Variants in AVIL observed in about 807,000 individuals in gnomAD.
AVIL encodes advillin.
In AVIL, 78 loss-of-function variants were observed where a neutral mutation model predicts 109.9. The ratio of observed to expected loss-of-function variants is 0.71; its 90% CI spans 0.59 to 0.86. AVIL has a LOEUF of 0.86. Among genes scored for constraint, AVIL ranks in the 40% least tolerant of loss-of-function variants. The pLI is 0.00. For missense variants in AVIL, 892 were observed against 1,016.5 expected (o/e 0.88, Z 1.67); for synonymous variants, 367 against 379.1 (o/e 0.97, Z 0.37).
chr12:57,815,793 A>G (rs1490318300), intron 2 of AVIL, 182 bp downstream of exon 2: 5 of 1,478,806 alleles, frequency 3.4e-6, no homozygotes, highest in Admixed American at 2.2e-5. Context: ...CCACCTGCCA[A>G]CCACCTGCTT....
Position 57,797,393 on chromosome 12 carries a change from T to C in AVIL, c.*489A>G. 2.0e-6 allele frequency: 2 copies of C among 985,454 alleles called. No individual in the cohort carries two copies. Among genetic ancestry groups the C allele is most frequent in the African/African-American group, 3.5e-5 (2 of 57,366 alleles). The allele number at this position is 985,454 out of a possible 1,614,324, so 61.0% of individuals were successfully genotyped here. On this transcript the variant is annotated 3_prime_UTR_variant, in exon 20 of 20. Transcript: ENST00000549994. ...TAACTCCATTTGTTCATTATAGGTA[T>C]CTTTATTTGAAAAGTGAAAAATGCT... is the stretch of plus-strand genomic sequence containing the variant.
intron 17 of AVIL, among the ~76,000 whole-genome samples, chr12:57,801,857 A>C (rs1472811862): frequency 6.6e-6 from 1 of 152,250 alleles, no homozygotes; most frequent in East Asian, 1.9e-4. Context: ...AATAGGGAGC[A>C]ATACTTCTAC....
chr12:57,815,812 C>T, intron 2 of AVIL, 163 bp downstream of exon 2: 1 of 1,507,058 alleles, frequency 6.6e-7, no homozygotes, highest in Admixed American at 2.0e-5. Context: ...TTTGAGCACC[C>T]AGGAGAGGTG....
At chr12:57,809,494 CAAT>C (rs1956005072) in intron 9 of AVIL, 100 bp downstream of exon 9, 2 of 1,353,580 alleles carry the variant, frequency 1.5e-6, no homozygotes, top group Non-Finnish European at 2.1e-6. Flanking sequence ...TACGTAAGCA[CAAT>C]GTTATATGCT....
At chr12:57,801,394 A>G in intron 17 of AVIL, 182 bp from the exon 18 acceptor site, 1 of 499,480 alleles carries the variant, frequency 2.0e-6, no homozygotes, top group Admixed American at 3.6e-5. Flanking sequence ...GCTTAAACAT[A>G]ACGCACATTC....
intron 9 of AVIL, 106 bp downstream of exon 9, chr12:57,809,491 G>A (rs893053432): frequency 4.5e-6 from 6 of 1,334,636 alleles, no homozygotes; most frequent in East Asian, 4.7e-5. Context: ...ATGTACGTAA[G>A]CACAATGTTA....
At chr12:57,817,360 C>T (rs982507668) in intron 1 of AVIL, among the ~76,000 whole-genome samples, 1 of 149,880 alleles carries the variant, frequency 6.7e-6, no homozygotes, top group Admixed American at 6.7e-5. Context: ...GGAGAGCATG[C>T]GCCATCTAGT....
In AVIL at chr12:57,808,246, G is replaced by C; in HGVS notation, c.1142C>G (p.Pro381Arg). ...KFDVTLLHTK[P>R]EVAAQERMVD... is the part of the protein sequence containing the mutation. Reference sequence around the variant, plus strand: ...CATTCTTTCCTGGGCAGCTACCTCTGGCTTGGTGTGTAGCAGAGTCACATC... The same window carrying C: ...CATTCTTTCCTGGGCAGCTACCTCTCGCTTGGTGTGTAGCAGAGTCACATC... Residue 381 changes from proline (P) to arginine (R), a missense_variant, in exon 11 of 20, where the codon CCA becomes CGA. By Grantham distance (103) the Pro-to-Arg change is moderately radical. Transcript: ENST00000549994. The C allele has an allele frequency of 6.2e-7, 1 of 1,614,172 alleles. No homozygotes were observed. The highest frequency in any genetic ancestry group is 1.1e-5 in the South Asian group (1 of 91,088).
At chr12:57,807,245 C>G (rs1955961563) in intron 13 of AVIL, 86 bp downstream of exon 13, 1 of 1,584,684 alleles carries the variant, frequency 6.3e-7, no homozygotes, top group Non-Finnish European at 8.6e-7. Context: ...CTACCCCACC[C>G]CTCCTCTGCT....
intron 11 of AVIL, 95 bp from the exon 12 acceptor site, chr12:57,807,822 C>T (rs766269648): frequency 1.1e-5 from 16 of 1,523,722 alleles, no homozygotes; most frequent in East Asian, 4.5e-5. Flanking sequence ...AAGGTGCTGA[C>T]GTTTACTCCA....
intron 19 of AVIL, among the ~76,000 whole-genome samples, chr12:57,799,580 G>A (rs1244413819): frequency 6.6e-6 from 1 of 152,212 alleles, no homozygotes; most frequent in Non-Finnish European, 1.5e-5. Context: ...AGAAATGGAA[G>A]AGGAGTGAAC....
At chr12:57,814,870 C>T (rs780188923) in intron 2 of AVIL, 1 of 152,488 alleles carries the variant, frequency 6.6e-6, no homozygotes, top group Non-Finnish European at 1.5e-5. Context: ...TGCGGCCATA[C>T]TTGTGTGTGT....
intron 2 of AVIL, chr12:57,815,594 T>G (rs1041509700): frequency 2.1e-5 from 27 of 1,272,642 alleles, no homozygotes; most frequent in Non-Finnish European, 2.5e-5. Flanking sequence ...CCATATTTTG[T>G]AGGAGCCAGG....
At chr12:57,806,675 C>T (rs969064372) in intron 13 of AVIL, 136 bp from the exon 14 acceptor site, 3 of 927,998 alleles carry the variant, frequency 3.2e-6, no homozygotes, top group Non-Finnish European at 1.6e-6. Context: ...TGGAAAGGGT[C>T]AGGGTAAGCT....
intron 19 of AVIL, among the ~76,000 whole-genome samples, chr12:57,798,904 C>T (rs1465418144): frequency 1.3e-5 from 2 of 152,114 alleles, no homozygotes; most frequent in Admixed American, 6.6e-5. Flanking sequence ...TATGAGCCAC[C>T]GTGCCCGGCC....
intron 7 of AVIL, 139 bp downstream of exon 7, chr12:57,810,210 G>A (rs1342999508): frequency 2.2e-6 from 2 of 899,552 alleles, no homozygotes; most frequent in Non-Finnish European, 3.3e-6. Flanking sequence ...AGCTTTCTAG[G>A]AGCTGCATTT....
At chr12:57,807,243 C>A in intron 13 of AVIL, 88 bp downstream of exon 13, 1 of 1,578,470 alleles carries the variant, frequency 6.3e-7, no homozygotes, top group Non-Finnish European at 8.7e-7. Context: ...CCCTACCCCA[C>A]CCCTCCTCTG....
chr12:57,803,607 G>T lies in AVIL; in HGVS notation c.1734C>A (p.Ser578Arg), dbSNP rs543015033. The T allele has an allele frequency of 6.2e-7, 1 of 1,613,982 alleles. No homozygotes were observed. The highest frequency in any genetic ancestry group is 1.3e-5 in the African/African-American group (1 of 74,912). Reference protein sequence around the residue: ...KELASLLCDGSENTVAEGQEP... With the variant: ...KELASLLCDGRENTVAEGQEP... ...CCTGGCCCTCGGCCACAGTGTTCTC[G>T]CTGCCATCACAGAGAAGGCTGGCCA... Residue 578 changes from serine to arginine, a missense_variant, in exon 15 of 20, where the codon AGC (serine) becomes AGA (arginine). Transcript: ENST00000549994.
At chr12:57,814,124 TCA>T (rs772321604) in intron 3 of AVIL, 26 bp downstream of exon 3, 6 of 1,610,500 alleles carry the variant, frequency 3.7e-6, no homozygotes, top group Non-Finnish European at 5.1e-6. Flanking sequence ...GGGGAGAGGC[TCA>T]CAGGAGTGGG....
Sources: gnomAD v4.1 joint callset for allele counts (sites outside exome capture counted in the v4.1 genomes callset) on GRCh38, gnomAD v4.1.1 for gene constraint, MANE v1.5 for transcripts, NCBI Gene and HGNC (gene_info 2026-07-23, HGNC 2026-07-21) for gene names.